The following EPG5 variants were observed in gnomAD, a reference collection of about 807,000 sequenced individuals.
EPG5 encodes ectopic P-granules 5 autophagy tethering factor.
EPG5 carries 159 observed loss-of-function variants against 302.7 expected under a neutral mutation model. The ratio of observed to expected loss-of-function variants is 0.53; its 90% CI spans 0.46 to 0.60. The LOEUF (loss-of-function observed/expected upper bound fraction) is 0.60. Among genes scored for constraint, EPG5 ranks in the 20% least tolerant of loss-of-function variants. The pLI is 0.00. For missense variants in EPG5, 2,896 were observed against 3,092.4 expected, an observed-to-expected ratio of 0.94 and a Z score of 1.51; for synonymous variants, 1,158 against 1,136.8, an observed-to-expected ratio of 1.02 and a Z score of -0.37.
Position 45,908,024 on chromosome 18 carries a change from G to C in EPG5, c.4263C>G (p.Thr1421=). ...LEDENFQKGD[T]YIPSLPKHYD... Reference sequence around the variant, plus strand: ...AATGCTTTGGTAGAGAAGGGATATAGGTATCTCCTTTTTGAAAATTCTCAT... The same window carrying C: ...AATGCTTTGGTAGAGAAGGGATATACGTATCTCCTTTTTGAAAATTCTCAT... The change falls in exon 24 of 44, where the codon ACC becomes ACG. Residue 1421 remains threonine, a synonymous_variant. Coordinates refer to ENST00000282041, the MANE Select transcript of EPG5 (RefSeq NM_020964.3). 1 of 1,597,182 alleles carries C rather than the reference G, an allele frequency of 6.3e-7. No individual in the cohort carries two copies. Among genetic ancestry groups the C allele is most frequent in the Non-Finnish European group, 8.5e-7 (1 of 1,173,190 alleles).
At chr18:45,818,360 T>C in the EPG5 span, among the ~76,000 whole-genome samples, 1 of 152,180 alleles carries the variant, frequency 6.6e-6, no homozygotes, top group African/African-American at 2.4e-5. Flanking sequence ...GTAGAATTGC[T>C]GGATAAGGGG....
At chr18:45,946,813 C>A in intron 6 of EPG5, 45 bp from the exon 7 acceptor site, 1 of 1,441,862 alleles carries the variant, frequency 6.9e-7, no homozygotes, top group Non-Finnish European at 9.8e-7. Flanking sequence ...ATGTAGGCTA[C>A]GTGAGTGCAT....
At chr18:45,943,972 A>T in intron 8 of EPG5, 33 bp downstream of exon 8, 1 of 1,379,490 alleles carries the variant, frequency 7.2e-7, no homozygotes, top group Non-Finnish European at 1.0e-6. Context: ...ACTTGCCACT[A>T]CCACATTTTA....
At chr18:45,900,865 G>T in intron 26 of EPG5, 131 bp downstream of exon 26, 1 of 870,742 alleles carries the variant, frequency 1.1e-6, no homozygotes, top group South Asian at 2.1e-5. Flanking sequence ...CAAGTGAACC[G>T]TCTGGGCCAG....
chr18:45,935,349 C>A (rs1205961858), intron 10 of EPG5, among the ~76,000 whole-genome samples: 5 of 152,278 alleles, frequency 3.3e-5, no homozygotes, highest in African/African-American at 1.2e-4. Flanking sequence ...TCGAGACCAG[C>A]CTGACCAACA....
the EPG5 span, among the ~76,000 whole-genome samples, chr18:45,803,942 A>C: frequency 6.6e-6 from 1 of 152,220 alleles, no homozygotes; most frequent in African/African-American, 2.4e-5. Context: ...ATGTATTCTC[A>C]AGAGTAAATA....
intron 10 of EPG5, among the ~76,000 whole-genome samples, chr18:45,936,784 TA>T (rs201568940): frequency 1.7e-3 from 227 of 134,994 alleles, no homozygotes; most frequent in Non-Finnish European, 2.1e-3. Context: ...GTTATTAAAT[TA>T]AAAAAAAAAA....
At chr18:45,857,713 T>C in intron 42 of EPG5, 140 bp downstream of exon 42, 11 of 631,742 alleles carry the variant, frequency 1.7e-5, no homozygotes, top group Non-Finnish European at 3.0e-5. Context: ...GTTTTTTTTT[T>C]CTTTTTTTTT....
intron 7 of EPG5, among the ~76,000 whole-genome samples, chr18:45,945,692 C>T (rs2050772153): frequency 1.3e-5 from 2 of 152,148 alleles, no homozygotes; most frequent in African/African-American, 4.8e-5. Context: ...CATATTGCTC[C>T]ACTACAATCT....
In EPG5 at chr18:45,922,279, CAT is replaced by C. The variant is rs552295973; in HGVS notation, c.3098+60_3098+61del. On this transcript the variant is annotated intron_variant, in intron 16 of 43. Coordinates refer to ENST00000282041, the MANE Select transcript of EPG5 (RefSeq NM_020964.3). ...AGGCCTCAGAACTTGGGATATGAAACATAAAATTCTAGAACTATCTGCAAGGT... is the reference window on the plus strand; with the variant it reads ...AGGCCTCAGAACTTGGGATATGAAACAAAATTCTAGAACTATCTGCAAGGT... The C allele has an allele frequency of 3.4e-5, 53 of 1,569,644 alleles. 1 individual carries two copies. The South Asian group carries it at 6.1e-4, about 18-fold the overall frequency.
At chr18:45,950,109 T>C (rs1304538797) in intron 4 of EPG5, among the ~76,000 whole-genome samples, 4 of 152,212 alleles carry the variant, frequency 2.6e-5, no homozygotes, top group African/African-American at 9.7e-5. Context: ...TTTTTAAGCA[T>C]GACATTAAAT....
intron 11 of EPG5, among the ~76,000 whole-genome samples, chr18:45,931,829 C>T (rs139794523): frequency 1.7e-3 from 250 of 151,500 alleles, no homozygotes; most frequent in African/African-American, 5.7e-3. Flanking sequence ...AGCAAGACTC[C>T]ATTTCAAAAA....
At chr18:45,855,809 A>G (rs960286944) in intron 42 of EPG5, 122 bp from the exon 43 acceptor site, 1 of 654,746 alleles carries the variant, frequency 1.5e-6, no homozygotes, top group Non-Finnish European at 2.7e-6. Context: ...TGTGTTGTTC[A>G]CCTTCTCAGG....
chr18:45,846,264 T>C (rs1293518497), downstream of EPG5, among the ~76,000 whole-genome samples: 1 of 152,082 alleles, frequency 6.6e-6, no homozygotes, highest in Non-Finnish European at 1.5e-5. Flanking sequence ...CGGTGGCTCA[T>C]ACCTGTATCA....
chr18:45,904,258 G>T, intron 24 of EPG5, 141 bp from the exon 25 acceptor site: 1 of 947,752 alleles, frequency 1.1e-6, no homozygotes, highest in Non-Finnish European at 1.5e-6. Context: ...AGGATAAATT[G>T]CCATTAAAAT....
At chr18:45,922,295 T>G (rs2050172636) in intron 16 of EPG5, 46 bp downstream of exon 16, 1 of 1,590,802 alleles carries the variant, frequency 6.3e-7, no homozygotes, top group Admixed American at 1.8e-5. Flanking sequence ...ATTCTAGAAC[T>G]ATCTGCAAGG....
At chr18:45,891,265 G>A (rs1400881569) in intron 27 of EPG5, among the ~76,000 whole-genome samples, 6 of 151,900 alleles carry the variant, frequency 3.9e-5, no homozygotes, top group South Asian at 2.1e-4. Flanking sequence ...TTGGGAGGCC[G>A]AGGTGCGCGG....
At chr18:45,846,767 C>A (rs1223473065), downstream of EPG5, among the ~76,000 whole-genome samples, 1 of 152,170 alleles carries the variant, frequency 6.6e-6, no homozygotes, top group Non-Finnish European at 1.5e-5. Context: ...AAGAAAATGG[C>A]TACTCCATAG....
At chr18:45,865,576 T>C (rs750793760) in intron 39 of EPG5, 39 bp downstream of exon 39, 4 of 1,607,350 alleles carry the variant, frequency 2.5e-6, no homozygotes, top group East Asian at 2.2e-5. Context: ...CAGGAATGCA[T>C]TGACTGAATG....
Sources: allele counts gnomAD v4.1 joint callset (sites outside exome capture counted in the v4.1 genomes callset), GRCh38; gene constraint gnomAD v4.1.1; transcripts MANE v1.5; gene names NCBI Gene and HGNC (gene_info 2026-07-23, HGNC 2026-07-21).